DMD: variants seen among roughly 807,000 people sequenced by gnomAD.
DMD encodes the protein mutant dystrophin.
Under a neutral mutation model 330.1 loss-of-function variants are expected in DMD, and 63 were observed. The observed-to-expected ratio is 0.19, with a 90% confidence interval of 0.16 to 0.24. DMD has a LOEUF of 0.24. Ranked by LOEUF, DMD falls within the 10% of genes least tolerant of loss-of-function variation. The pLI, the probability that DMD is intolerant of heterozygous loss-of-function variation, is 1.00. For synonymous variants in DMD, 1,223 were observed against 959.8 expected, an observed-to-expected ratio of 1.27 and a Z score of -5.07; for missense variants, 3,344 against 2,684.1, an observed-to-expected ratio of 1.25 and a Z score of -5.43.
intron 12 of DMD, among the ~76,000 whole-genome samples, chrX:32,603,779 A>G (rs914825317): frequency 9.0e-6 from 1 of 111,259 alleles, no homozygotes; most frequent in African/African-American, 3.3e-5. Flanking sequence ...TCCTGGATAC[A>G]TATCAACTCC....
At chrX:31,208,220 G>A (rs1208608763) in intron 65 of DMD, among the ~76,000 whole-genome samples, 1 of 111,323 alleles carries the variant, frequency 9.0e-6, no homozygotes, top group Non-Finnish European at 1.9e-5. Context: ...AAATCCCTCA[G>A]TCAAAAAGAA....
intron 64 of DMD, among the ~76,000 whole-genome samples, chrX:31,215,260 A>T (rs1477786502): frequency 2.0e-5 from 2 of 102,058 alleles, no homozygotes. Context: ...TTTTTTTTTT[A>T]AAGGGAAAAC....
intron 2 of DMD, among the ~76,000 whole-genome samples, chrX:32,984,050 T>C (rs2147247687): frequency 9.0e-6 from 1 of 111,675 alleles, no homozygotes; most frequent in East Asian, 2.8e-4. Context: ...AAGCATTCCT[T>C]CCCTGCCAGC....
chrX:32,890,786 T>A (rs761858204), intron 2 of DMD, among the ~76,000 whole-genome samples: 1 of 111,961 alleles, frequency 8.9e-6, no homozygotes, highest in East Asian at 2.8e-4. Flanking sequence ...CTAGCATAAC[T>A]GAGGAAGCCA....
intron 21 of DMD, among the ~76,000 whole-genome samples, chrX:32,483,010 T>C (rs1242265453): frequency 9.3e-6 from 1 of 107,127 alleles, no homozygotes; most frequent in Non-Finnish European, 1.9e-5. Flanking sequence ...CAAAGTACTG[T>C]GGAGGAATAC....
At chrX:31,450,010 G>T (rs1177585551) in intron 59 of DMD, among the ~76,000 whole-genome samples, 1 of 109,086 alleles carries the variant, frequency 9.2e-6, no homozygotes. Context: ...CACGTGCAGA[G>T]AAATTTATGT....
chrX:32,975,210 A>G (rs560647561), intron 2 of DMD, among the ~76,000 whole-genome samples: 1 of 110,883 alleles, frequency 9.0e-6, no homozygotes, highest in South Asian at 3.8e-4. Context: ...AATATCCAAT[A>G]AACCCAGCAA....
intron 2 of DMD, among the ~76,000 whole-genome samples, chrX:33,014,937 T>C (rs1004577821): frequency 8.9e-6 from 1 of 111,968 alleles, no homozygotes; most frequent in Non-Finnish European, 1.9e-5. Flanking sequence ...ACCTTTCTTT[T>C]CAAATAAATT....
chrX:31,728,990 G>A (rs963018024), intron 52 of DMD, among the ~76,000 whole-genome samples: 13 of 110,980 alleles, frequency 1.2e-4, no homozygotes, highest in African/African-American at 3.9e-4. Flanking sequence ...CACTCTTCCT[G>A]ACCCCATGGA....
At chrX:31,911,501 CTTTT>C (rs34439142) in intron 47 of DMD, among the ~76,000 whole-genome samples, 90 of 101,829 alleles carry the variant, frequency 8.8e-4, no homozygotes, top group Middle Eastern at 5.1e-3. Context: ...GCATTTCTCA[CTTTT>C]TTTTTTTTTG....
chrX:32,482,246 G>T (rs1415213118), intron 21 of DMD, among the ~76,000 whole-genome samples: 1 of 111,151 alleles, frequency 9.0e-6, no homozygotes, highest in Non-Finnish European at 1.9e-5. Context: ...TATAACATGA[G>T]TTTACTGGTT....
chrX:31,904,472 C>T (rs532048236), intron 47 of DMD, among the ~76,000 whole-genome samples: 1 of 111,920 alleles, frequency 8.9e-6, no homozygotes, highest in African/African-American at 3.2e-5. Context: ...AAGGATATCA[C>T]TTCTCCAATT....
intron 29 of DMD, among the ~76,000 whole-genome samples, chrX:32,428,757 G>A (rs747901773): frequency 1.8e-5 from 2 of 110,699 alleles, no homozygotes; most frequent in Non-Finnish European, 3.8e-5. Context: ...GACTACAGGC[G>A]TGCACCACCA....
chrX:31,167,740 A>G (rs142456596), intron 74 of DMD, among the ~76,000 whole-genome samples: 2 of 112,239 alleles, frequency 1.8e-5, no homozygotes, highest in African/African-American at 3.2e-5. Context: ...AAAAAGTTCA[A>G]TATTATCTCG....
intron 25 of DMD, among the ~76,000 whole-genome samples, chrX:32,461,314 G>T (rs955332570): frequency 9.0e-6 from 1 of 110,824 alleles, no homozygotes; most frequent in South Asian, 3.7e-4. Flanking sequence ...TTACCGCATC[G>T]TCTTCTTCTT....
At chrX:32,519,601 A>G (rs934174984) in intron 17 of DMD, among the ~76,000 whole-genome samples, 10 of 111,960 alleles carry the variant, frequency 8.9e-5, no homozygotes, top group African/African-American at 3.2e-4. Flanking sequence ...TGATTTCAAT[A>G]AATATTTTCA....
intron 52 of DMD, among the ~76,000 whole-genome samples, chrX:31,698,737 T>C (rs1356809707): frequency 9.0e-6 from 1 of 111,489 alleles, no homozygotes; most frequent in Non-Finnish European, 1.9e-5. Flanking sequence ...AGGAGGAATG[T>C]GGTTGTTTTA....
intron 7 of DMD, among the ~76,000 whole-genome samples, chrX:32,705,314 C>T (rs748072059): frequency 9.8e-5 from 11 of 111,705 alleles, no homozygotes; most frequent in Admixed American, 7.6e-4. Flanking sequence ...CATTAAAGGA[C>T]GGTAAAATGT....
chrX:31,273,498 A>G (rs1378319986), intron 62 of DMD, among the ~76,000 whole-genome samples: 1 of 112,193 alleles, frequency 8.9e-6, no homozygotes, highest in Non-Finnish European at 1.9e-5. Flanking sequence ...TTTCAAAAAA[A>G]AATTTTAAAT....
Sources: allele counts gnomAD v4.1 joint callset (sites outside exome capture counted in the v4.1 genomes callset), GRCh38; gene constraint gnomAD v4.1.1; transcripts MANE v1.5; gene names NCBI Gene and HGNC (gene_info 2026-07-23, HGNC 2026-07-21).